The following CROCC2 variants were observed in gnomAD, a reference collection of about 807,000 sequenced individuals.
The protein encoded by CROCC2 is ciliary rootlet coiled-coil protein 2.
A neutral mutation model predicts 177.6 loss-of-function variants in CROCC2; 163 were observed. The ratio of observed to expected loss-of-function variants is 0.92; its 90% CI spans 0.81 to 1.05. The LOEUF (loss-of-function observed/expected upper bound fraction) is 1.05. Ranked by LOEUF, CROCC2 falls within the 50% of genes least tolerant of loss-of-function variation. The pLI, the probability that CROCC2 is intolerant of heterozygous loss-of-function variation, is 0.00. For missense variants in CROCC2, 1,929 were observed against 1,797.8 expected (o/e 1.07, Z -1.32); for synonymous variants, 904 against 787.3 (o/e 1.15, Z -2.48).
chr2:240,911,543 G>T (rs537101661), intron 1 of CROCC2, among the ~76,000 whole-genome samples: 250 of 152,154 alleles, frequency 1.6e-3, no homozygotes, highest in Middle Eastern at 0.01. Flanking sequence ...AGCGATGTGC[G>T]CGCCTCAACC....
intron 20 of CROCC2, among the ~76,000 whole-genome samples, chr2:240,962,070 G>A (rs75321831): frequency 9.3e-6 from 1 of 107,424 alleles, no homozygotes; most frequent in African/African-American, 4.2e-5. Flanking sequence ...ACACTCACAC[G>A]CACTCACACT....
At position 240,972,353 on chromosome 2, in the gene CROCC2, G is replaced by A. The variant is rs963245946; in HGVS notation, c.4401+4091G>A. On this transcript the variant is annotated intron_variant, in intron 27 of 31. Transcript: ENST00000690015. The surrounding 1 kb of genome is among the most constrained non-coding windows in gnomAD (Gnocchi z 7.1). ...GAGCTGTTCTGTTCCTGAAGTGGGC[G>A]GGGTGGGAGCGGCGCTCTCCGGTGC... is the stretch of plus-strand genomic sequence containing the variant. Among the ~76,000 whole-genome samples, 3 of 152,280 alleles carry A rather than the reference G, an allele frequency of 2.0e-5. No homozygotes were observed. Among genetic ancestry groups the A allele is most frequent in the East Asian group, 1.9e-4 (1 of 5,158 alleles).
chr2:240,949,708 C>T lies in CROCC2; in HGVS notation c.2652+6C>T. 1 of 1,535,642 alleles carries T rather than the reference C, an allele frequency of 6.5e-7. No homozygotes were observed. The highest frequency in any genetic ancestry group is 8.8e-7 in the Non-Finnish European group (1 of 1,137,460). On this transcript the variant is annotated splice_donor_region_variant and intron_variant, in intron 17 of 31. Transcript: ENST00000690015. The surrounding 1 kb of genome is among the most constrained non-coding windows in gnomAD (Gnocchi z 4.5). ...CACAGCTCCAAAGGGAGAAGGTCTGCTTCCCAGGAGCCCACCAGTAGCTTC... is the reference window on the plus strand; with the variant it reads ...CACAGCTCCAAAGGGAGAAGGTCTGTTTCCCAGGAGCCCACCAGTAGCTTC...
intron 7 of CROCC2, 49 bp from the exon 8 acceptor site, chr2:240,932,269 C>G: frequency 1.5e-6 from 1 of 682,134 alleles, no homozygotes; most frequent in Non-Finnish European, 2.8e-6. Flanking sequence ...CTTGGGTGCC[C>G]GTCCTCTGGG....
At chr2:240,975,510 C>T (rs1346854906) in intron 27 of CROCC2, among the ~76,000 whole-genome samples, 1 of 152,186 alleles carries the variant, frequency 6.6e-6, no homozygotes, top group Non-Finnish European at 1.5e-5. Context: ...CTGAGGACCC[C>T]AATTCCAGAG....
rs948323487 is a variant in CROCC2 at position 240,989,747 on chromosome 2, C to A, written c.4777C>A (p.Leu1593Ile). 7 of 1,550,390 alleles carry A rather than the reference C, an allele frequency of 4.5e-6. No individual in the cohort carries two copies. In the South Asian group the frequency reaches 7.1e-5, roughly 16 times the overall value. ...QRDLATEAER[L>I]HGARPQATQA... ...GGACCTGGCCACAGAGGCAGAGCGT[C>A]TCCATGGGGCCCGGCCGCAGGCCAC... The change falls in exon 30 of 32, where the codon CTC becomes ATC. Residue 1593 changes from leucine to isoleucine, a missense_variant. Leu to Ile is a conservative substitution (Grantham distance 5, BLOSUM62 2). This residue lies in a region of CROCC2 where 388 missense variants were observed against 352.7 expected (regional missense o/e 1.10). Coordinates refer to ENST00000690015, the MANE Select transcript of CROCC2 (RefSeq NM_001351305.2).
intron 25 of CROCC2, among the ~76,000 whole-genome samples, chr2:240,966,720 A>G (rs1465520818): frequency 1.3e-5 from 2 of 152,096 alleles, no homozygotes. Context: ...GGGCTGGGCA[A>G]CTGCAGGACA....
At position 240,989,744 on chromosome 2, in the gene CROCC2, C is replaced by A. The variant is rs1265599441; in HGVS notation, c.4774C>A (p.Arg1592Ser). 1.3e-6 allele frequency: 2 copies of A among 1,550,258 alleles called. No individual in the cohort carries two copies. Among genetic ancestry groups the A allele is most frequent in the African/African-American group, 2.7e-5 (2 of 73,070 alleles). Residue 1592 changes from arginine (R) to serine (S), a missense_variant, in exon 30 of 32, where the codon CGT becomes AGT. Arg to Ser is a moderately radical substitution (Grantham distance 110, BLOSUM62 -1). Coordinates refer to ENST00000690015, the MANE Select transcript of CROCC2 (RefSeq NM_001351305.2). ...HQRDLATEAE[R>S]LHGARPQATQ... ...GCGGGACCTGGCCACAGAGGCAGAGCGTCTCCATGGGGCCCGGCCGCAGGC... is the reference window on the plus strand; with the variant it reads ...GCGGGACCTGGCCACAGAGGCAGAGAGTCTCCATGGGGCCCGGCCGCAGGC...
Position 240,949,471 on chromosome 2 carries a change from G to T in CROCC2, c.2483-62G>T, listed in dbSNP as rs2059540717. 6.6e-7 allele frequency: 1 copy of T among 1,521,610 alleles called. No individual in the cohort carries two copies. The highest frequency in any genetic ancestry group is 2.0e-5 in the Admixed American group (1 of 50,190). The allele number at this position is 1,521,610 out of a possible 1,614,324, so 94.3% of individuals were successfully genotyped here. A position where few individuals can be genotyped will look rare whatever the true frequency, so the allele number is the denominator to read the frequency against. Reference sequence around the variant, plus strand: ...CCCCAAGACTGTCACTCCCTAGGAAGTCCCAAAGGGTTCAGGGGTCCACAT... The same window carrying T: ...CCCCAAGACTGTCACTCCCTAGGAATTCCCAAAGGGTTCAGGGGTCCACAT... On this transcript the variant is annotated intron_variant, in intron 16 of 31. Coordinates refer to ENST00000690015, the MANE Select transcript of CROCC2 (RefSeq NM_001351305.2). This position sits in a 1 kb window ranked among gnomAD's most constrained non-coding sequence, Gnocchi z 4.5.
At chr2:240,983,208 G>A (rs948158624) in intron 28 of CROCC2, 179 bp downstream of exon 28, 78 of 851,702 alleles carry the variant, frequency 9.2e-5, no homozygotes, top group Non-Finnish European at 1.2e-4. Flanking sequence ...GTCCCCCGCT[G>A]ACAGATGGGG....
intron 27 of CROCC2, among the ~76,000 whole-genome samples, chr2:240,971,016 C>A (rs1377405693): frequency 1.3e-5 from 2 of 152,156 alleles, no homozygotes; most frequent in South Asian, 4.1e-4. Flanking sequence ...GAGTCCAGCT[C>A]TTTGCGTTGT....
intron 1 of CROCC2, 81 bp downstream of exon 1, chr2:240,906,672 G>A: frequency 2.5e-6 from 1 of 398,862 alleles, no homozygotes; most frequent in Non-Finnish European, 4.4e-6. Flanking sequence ...CAAAGAGAGG[G>A]GATGGCCAGG....
At chr2:240,992,306 G>A (rs12694992) in intron 31 of CROCC2, among the ~76,000 whole-genome samples, 68,332 of 152,016 alleles carry the variant, frequency 0.45, 16,032 homozygotes, top group African/African-American at 0.58. Context: ...CGTCCCAGTC[G>A]CAAGGACTCT....
Position 240,935,008 on chromosome 2 carries a change from C to G in CROCC2, c.1884C>G (p.Ala628=), listed in dbSNP as rs148044754. Residue 628 remains alanine (A), a synonymous_variant, in exon 13 of 32, where the codon GCC becomes GCG. Transcript: ENST00000690015. ...EQRDSLAAMA[A]LMEGLAQDKS... ...GGGACTCCCTGGCCGCAATGGCCGC[C>G]TTGATGGAGGGGTTGGCTCAGGACA... 3 of 1,438,086 alleles carry G rather than the reference C, an allele frequency of 2.1e-6. No homozygotes were observed. The highest frequency in any genetic ancestry group is 2.7e-6 in the Non-Finnish European group (3 of 1,093,422). 89.1% of individuals were successfully genotyped at this position (1,438,086 alleles called of 1,614,324 possible).
In CROCC2 at chr2:240,989,717, C is replaced by A; in HGVS notation, c.4747C>A (p.Gln1583Lys). 6.4e-7 allele frequency: 1 copy of A among 1,550,400 alleles called. No homozygotes were observed. Among genetic ancestry groups the A allele is most frequent in the Non-Finnish European group, 8.7e-7 (1 of 1,146,876 alleles). The change falls in exon 30 of 32, where the codon CAG (glutamine) becomes AAG (lysine). Residue 1583 changes from glutamine (Q) to lysine (K), a missense_variant. By Grantham distance (53) the Gln-to-Lys change is moderately conservative. Around this residue, in one of 3 missense-constraint regions of CROCC2, gnomAD observed 388 missense variants for 352.7 expected, o/e 1.10. Coordinates refer to ENST00000690015, the MANE Select transcript of CROCC2 (RefSeq NM_001351305.2). ...QRLQDLTAQH[Q>K]RDLATEAERL... is the part of the protein sequence containing the mutation. Reference sequence around the variant, plus strand: ...GCTCCAGGACCTGACAGCTCAGCACCAGCGGGACCTGGCCACAGAGGCAGA... The same window carrying A: ...GCTCCAGGACCTGACAGCTCAGCACAAGCGGGACCTGGCCACAGAGGCAGA...
chr2:240,932,517 AGGGCAAGG>A, intron 8 of CROCC2, 103 bp downstream of exon 8: 1 of 703,110 alleles, frequency 1.4e-6, no homozygotes, highest in South Asian at 1.5e-5. Context: ...GACGGCCTGC[AGGGCAAGG>A]TGGGGTCCCT....
In CROCC2 at chr2:240,934,490, C is replaced by G. The variant is rs1228441155; in HGVS notation, c.1791+15C>G. 1.9e-6 allele frequency: 3 copies of G among 1,545,182 alleles called. No homozygotes were observed. The highest frequency in any genetic ancestry group is 2.6e-6 in the Non-Finnish European group (3 of 1,145,264). ...CCCTGGCGCGGGTACACTCTGCTCC[C>G]CACAACCCCGCCCCCTCTCCTGTCT... is the stretch of plus-strand genomic sequence containing the variant. On this transcript the variant is annotated intron_variant, in intron 12 of 31. Transcript: ENST00000690015.
chr2:240,970,717 C>T (rs915004952), intron 27 of CROCC2, among the ~76,000 whole-genome samples: 2 of 152,208 alleles, frequency 1.3e-5, no homozygotes, highest in Admixed American at 6.5e-5. Flanking sequence ...GGGCTCTGGG[C>T]TCTCCTGCCT....
chr2:240,959,635 C>A, intron 20 of CROCC2, 191 bp downstream of exon 20: 1 of 650,664 alleles, frequency 1.5e-6, no homozygotes, highest in Non-Finnish European at 2.4e-6. Flanking sequence ...CCTCACACCA[C>A]GCACTAAGCC....
Sources: allele counts gnomAD v4.1 joint callset (sites outside exome capture counted in the v4.1 genomes callset), GRCh38; gene constraint gnomAD v4.1.1; regional missense constraint gnomAD v4.1.1; non-coding constraint Gnocchi (gnomAD v3.1); transcripts MANE v1.5; gene names NCBI Gene and HGNC (gene_info 2026-07-23, HGNC 2026-07-21).